Variants in MGAT4C observed in about 807,000 individuals in gnomAD.
MGAT4C encodes the protein alpha-1,3-mannosyl-glycoprotein 4-beta-N-acetylglucosaminyltransferase C.
Under a neutral mutation model 40.1 loss-of-function variants are expected in MGAT4C, and 19 were observed. The observed-to-expected ratio is 0.47, with a 90% CI of 0.33 to 0.70. MGAT4C has a LOEUF of 0.70. MGAT4C is among the 30% of genes least tolerant of loss of function. The pLI, the probability that MGAT4C is intolerant of heterozygous loss-of-function variation, is 0.02. For synonymous variants in MGAT4C, 181 were observed against 187.1 expected, an observed-to-expected ratio of 0.97 and a Z score of 0.27; for missense variants, 491 against 563.2, an observed-to-expected ratio of 0.87 and a Z score of 1.30.
intron 2 of MGAT4C, among the ~76,000 whole-genome samples, chr12:86,577,248 C>A (rs1593004118): frequency 6.6e-6 from 1 of 151,792 alleles, no homozygotes. Context: ...ATATTATCAG[C>A]AAATAAGAAT....
At chr12:86,770,525 A>G (rs911862543) in intron 1 of MGAT4C, among the ~76,000 whole-genome samples, 1 of 152,090 alleles carries the variant, frequency 6.6e-6, no homozygotes, top group African/African-American at 2.4e-5. Flanking sequence ...AATATTATAC[A>G]TGATCCATAG....
chr12:86,406,069 T>A (rs947671503), intron 3 of MGAT4C, among the ~76,000 whole-genome samples: 20 of 145,534 alleles, frequency 1.4e-4, no homozygotes, highest in East Asian at 5.9e-4. Flanking sequence ...ACAGTAATTT[T>A]TATATATATA....
chr12:86,542,643 C>T (rs1049202137), intron 2 of MGAT4C, among the ~76,000 whole-genome samples: 1 of 152,124 alleles, frequency 6.6e-6, no homozygotes, highest in Admixed American at 6.5e-5. Flanking sequence ...TGTCCAGCAA[C>T]TATATCAGTA....
chr12:86,128,194 A>G (rs2135703571), intron 1 of MGAT4C, among the ~76,000 whole-genome samples: 1 of 152,284 alleles, frequency 6.6e-6, no homozygotes, highest in East Asian at 1.9e-4. Context: ...ATCTTATGGG[A>G]TCACTTTCAT....
intron 1 of MGAT4C, among the ~76,000 whole-genome samples, chr12:86,191,301 T>G (rs1342262068): frequency 6.6e-6 from 1 of 152,022 alleles, no homozygotes; most frequent in African/African-American, 2.4e-5. Context: ...ATGGCTCTAT[T>G]TCTAGTAGTA....
chr12:86,832,073 T>C (rs1227978314), intron 1 of MGAT4C, among the ~76,000 whole-genome samples: 1 of 151,712 alleles, frequency 6.6e-6, no homozygotes. Flanking sequence ...AAAATATAAC[T>C]CAGTTCTACA....
At chr12:86,755,399 A>T (rs1435964201) in intron 1 of MGAT4C, among the ~76,000 whole-genome samples, 1 of 152,118 alleles carries the variant, frequency 6.6e-6, no homozygotes, top group Non-Finnish European at 1.5e-5. Flanking sequence ...GAGAATTCTG[A>T]CTGATAACAT....
intron 2 of MGAT4C, among the ~76,000 whole-genome samples, chr12:86,579,133 G>A (rs184255630): frequency 8.6e-5 from 13 of 151,308 alleles, no homozygotes; most frequent in South Asian, 2.1e-4. Context: ...TTTATTGATC[G>A]GAGAGTCTAT....
intron 4 of MGAT4C, among the ~76,000 whole-genome samples, chr12:86,275,004 T>C (rs1329566255): frequency 1.3e-5 from 2 of 152,192 alleles, no homozygotes; most frequent in Admixed American, 6.5e-5. Context: ...CATTTTAGCA[T>C]TGCCACTCGG....
At chr12:86,116,421 G>A (rs1332701157) in intron 1 of MGAT4C, among the ~76,000 whole-genome samples, 1 of 151,994 alleles carries the variant, frequency 6.6e-6, no homozygotes, top group African/African-American at 2.4e-5. Context: ...GGCCAGATTA[G>A]AGATTTTTTT....
In MGAT4C at chr12:85,974,302, G is replaced by A. The variant is rs1378351554; in HGVS notation, c.*4987C>T. ...GAAAGCAAAAGCAAGTTCAGAAGAG[G>A]AACACAACCAGGAGGACAGTGTGTC... On this transcript the variant is annotated 3_prime_UTR_variant, in exon 5 of 5. Transcript: ENST00000611864. 1 of 150,706 alleles carries A rather than the reference G, an allele frequency of 6.6e-6. No homozygotes were observed. Among genetic ancestry groups the A allele is most frequent in the Non-Finnish European group, 1.5e-5 (1 of 67,024 alleles). The allele number at this position is 150,706 out of a possible 1,614,324, so 9.3% of individuals were successfully genotyped here. A position where few individuals can be genotyped will look rare whatever the true frequency, so the allele number is the denominator to read the frequency against.
chr12:86,629,758 G>A (rs995224473), intron 2 of MGAT4C, among the ~76,000 whole-genome samples: 7 of 152,180 alleles, frequency 4.6e-5, no homozygotes, highest in Non-Finnish European at 1.5e-5. Flanking sequence ...AAAGCAGTGT[G>A]TAGAGGGAAA....
intron 1 of MGAT4C, among the ~76,000 whole-genome samples, chr12:86,233,131 T>C (rs2136020601): frequency 6.6e-6 from 1 of 152,306 alleles, no homozygotes; most frequent in African/African-American, 2.4e-5. Flanking sequence ...TCATATGTAG[T>C]GTTACGAATT....
intron 2 of MGAT4C, among the ~76,000 whole-genome samples, chr12:86,693,391 A>G (rs1950203638): frequency 6.6e-6 from 1 of 152,234 alleles, no homozygotes; most frequent in South Asian, 2.1e-4. Context: ...TTTTAAACAA[A>G]TGAGGGTGGA....
chr12:86,008,054 A>G (rs543121935), intron 2 of MGAT4C, among the ~76,000 whole-genome samples: 24 of 152,142 alleles, frequency 1.6e-4, no homozygotes, highest in African/African-American at 5.5e-4. Context: ...ATATCATACT[A>G]TCTGGATTAC....
At chr12:86,697,687 A>T (rs953075911) in intron 2 of MGAT4C, among the ~76,000 whole-genome samples, 1 of 152,128 alleles carries the variant, frequency 6.6e-6, no homozygotes, top group Non-Finnish European at 1.5e-5. Context: ...AACAAGAATG[A>T]TTCTGTACTT....
rs1382906017 is a variant in MGAT4C, at chr12:85,956,637, A to G, written c.*22652T>C. 6.6e-6 allele frequency: 1 copy of G among 152,140 alleles called. No individual in the cohort carries two copies. Among genetic ancestry groups the G allele is most frequent in the East Asian group, 1.9e-4 (1 of 5,188 alleles). The allele number at this position is 152,140 out of a possible 1,614,324, so 9.4% of individuals were successfully genotyped here. A position where few individuals can be genotyped will look rare whatever the true frequency, so the allele number is the denominator to read the frequency against. On this transcript the variant is annotated 3_prime_UTR_variant, in exon 5 of 5. Transcript: ENST00000611864. The stretch of plus-strand genomic sequence containing the variant: ...TAGAGAAAACAAAAATGTCATAACA[A>G]TTTCAGTTTTCAGCCTGTCTTGTAA...
chr12:86,174,213 G>A (rs1887163756), intron 1 of MGAT4C, among the ~76,000 whole-genome samples: 1 of 150,622 alleles, frequency 6.6e-6, no homozygotes, highest in Admixed American at 6.6e-5. Flanking sequence ...TATTTTCCTT[G>A]ATTTTATTAT....
chr12:86,520,683 TA>T (rs1161773069), intron 2 of MGAT4C, among the ~76,000 whole-genome samples: 3 of 152,146 alleles, frequency 2.0e-5, no homozygotes, highest in Non-Finnish European at 2.9e-5. Context: ...AACTAATTTA[TA>T]TTCCCATCAA....
Sources: allele counts gnomAD v4.1 joint callset (sites outside exome capture counted in the v4.1 genomes callset), GRCh38; gene constraint gnomAD v4.1.1; transcripts MANE v1.5; gene names NCBI Gene and HGNC (gene_info 2026-07-23, HGNC 2026-07-21).